THRB: variants seen among roughly 807,000 people sequenced by gnomAD.
THRB encodes nuclear receptor subfamily 1 group A member 2.
THRB carries 12 observed loss-of-function variants against 47.8 expected under a neutral mutation model. The ratio of observed to expected loss-of-function variants is 0.25; its 90% CI spans 0.16 to 0.41. The LOEUF is 0.41. THRB is among the 10% of genes least tolerant of loss of function. The pLI is 1.00. For synonymous variants in THRB, 218 were observed against 212.2 expected, an observed-to-expected ratio of 1.03 and a Z score of -0.24; for missense variants, 348 against 589.2, an observed-to-expected ratio of 0.59 and a Z score of 4.24.
At chr3:24,314,661 C>G (rs141789178) in intron 2 of THRB, among the ~76,000 whole-genome samples, 2 of 152,290 alleles carry the variant, frequency 1.3e-5, no homozygotes, top group Non-Finnish European at 2.9e-5. Context: ...TAGCTGTAAT[C>G]ACTCCTGCAG....
chr3:24,179,861 C>G (rs1487827999), intron 5 of THRB, among the ~76,000 whole-genome samples: 1 of 152,008 alleles, frequency 6.6e-6, no homozygotes, highest in Non-Finnish European at 1.5e-5. Context: ...GCATTCATTT[C>G]TTTTTTTGGG....
chr3:24,212,965 G>T (rs1287614690), intron 4 of THRB, among the ~76,000 whole-genome samples: 3 of 152,178 alleles, frequency 2.0e-5, no homozygotes, highest in African/African-American at 7.2e-5. Flanking sequence ...CTAAACCAGT[G>T]TGCCCCTGGG....
intron 1 of THRB, among the ~76,000 whole-genome samples, chr3:24,437,632 C>T (rs1308670643): frequency 2.0e-5 from 3 of 151,758 alleles, no homozygotes; most frequent in African/African-American, 7.3e-5. Context: ...ACCACATGTA[C>T]AAAAATATGC....
intron 3 of THRB, among the ~76,000 whole-genome samples, chr3:24,236,479 G>T (rs1265179255): frequency 1.3e-5 from 2 of 152,132 alleles, no homozygotes; most frequent in African/African-American, 4.8e-5. Context: ...TATTATAGAT[G>T]ATCTCAACTC....
At chr3:24,244,125 C>T (rs997905272) in intron 3 of THRB, among the ~76,000 whole-genome samples, 3 of 151,976 alleles carry the variant, frequency 2.0e-5, no homozygotes, top group African/African-American at 4.8e-5. Context: ...CTCATGGATA[C>T]AAGGGATCCT....
chr3:24,287,789 C>T (rs1285252357), intron 3 of THRB, among the ~76,000 whole-genome samples: 2 of 152,166 alleles, frequency 1.3e-5, no homozygotes, highest in Non-Finnish European at 2.9e-5. Flanking sequence ...ATGTAGGCTC[C>T]TGGACTGATT....
intron 1 of THRB, among the ~76,000 whole-genome samples, chr3:24,377,007 G>T (rs148042835): frequency 7.9e-5 from 12 of 151,980 alleles, no homozygotes; most frequent in Admixed American, 6.6e-5. Flanking sequence ...GCATGATGGC[G>T]GCTCACTGTA....
chr3:24,211,195 C>T (rs1391769331), intron 4 of THRB, among the ~76,000 whole-genome samples: 1 of 118,686 alleles, frequency 8.4e-6, no homozygotes, highest in Non-Finnish European at 1.5e-5. Flanking sequence ...AAGACTCCAT[C>T]TCAAAAAAAA....
intron 4 of THRB, among the ~76,000 whole-genome samples, chr3:24,196,766 G>A (rs2044002367): frequency 6.6e-6 from 1 of 151,758 alleles, no homozygotes; most frequent in Non-Finnish European, 1.5e-5. Context: ...TCTGTGCAAG[G>A]CAAATGGGAG....
At chr3:24,310,730 T>C (rs996203744) in intron 2 of THRB, among the ~76,000 whole-genome samples, 6 of 152,200 alleles carry the variant, frequency 3.9e-5, no homozygotes, top group African/African-American at 9.7e-5. Context: ...ATTGTCACCA[T>C]TGGGTATGGG....
chr3:24,384,553 G>T (rs1364369054), intron 1 of THRB, among the ~76,000 whole-genome samples: 1 of 152,032 alleles, frequency 6.6e-6, no homozygotes, highest in Non-Finnish European at 1.5e-5. Flanking sequence ...ACCTTTAGAG[G>T]ACAGACATCC....
intron 1 of THRB, among the ~76,000 whole-genome samples, chr3:24,442,948 C>T (rs576340598): frequency 1.1e-3 from 166 of 151,964 alleles, no homozygotes; most frequent in African/African-American, 3.8e-3. Flanking sequence ...TCTGGGAGGC[C>T]GAGGCGGGTG....
intron 4 of THRB, among the ~76,000 whole-genome samples, chr3:24,219,340 C>T (rs960901975): frequency 1.3e-5 from 2 of 152,164 alleles, no homozygotes; most frequent in African/African-American, 4.8e-5. Flanking sequence ...CGATGCCTAT[C>T]AAATCATTTG....
chr3:24,180,686 C>T (rs2041786132), intron 5 of THRB, among the ~76,000 whole-genome samples: 1 of 152,200 alleles, frequency 6.6e-6, no homozygotes, highest in Non-Finnish European at 1.5e-5. Flanking sequence ...GAAGGCTGAA[C>T]TGGCCAAGAC....
intron 1 of THRB, among the ~76,000 whole-genome samples, chr3:24,339,358 G>T (rs147755552): frequency 2.8e-4 from 42 of 152,176 alleles, no homozygotes; most frequent in Non-Finnish European, 5.7e-4. Context: ...CACAATGACC[G>T]TATGAGGTAA....
chr3:24,130,456 G>C (rs184275692), intron 9 of THRB, among the ~76,000 whole-genome samples: 1 of 152,020 alleles, frequency 6.6e-6, no homozygotes, highest in Admixed American at 6.6e-5. Flanking sequence ...CTCAGGGGCT[G>C]GGGGGGCGGT....
At chr3:24,255,650 T>G (rs61220618) in intron 3 of THRB, among the ~76,000 whole-genome samples, 3,137 of 152,076 alleles carry the variant, frequency 0.021, 116 homozygotes, top group African/African-American at 0.071. Flanking sequence ...ATCCCATGTG[T>G]GGGTTTCATG....
intron 1 of THRB, among the ~76,000 whole-genome samples, chr3:24,393,313 C>T (rs1275067590): frequency 6.6e-6 from 1 of 152,114 alleles, no homozygotes; most frequent in Admixed American, 6.6e-5. Context: ...CATGCCAGAT[C>T]CCATCACTCC....
At chr3:24,476,760 A>C (rs1231602414) in intron 1 of THRB, among the ~76,000 whole-genome samples, 1 of 152,168 alleles carries the variant, frequency 6.6e-6, no homozygotes, top group Admixed American at 6.5e-5. Context: ...GGATTTTGAG[A>C]AATTATCTGA....
Sources: gnomAD v4.1 joint callset for allele counts (sites outside exome capture counted in the v4.1 genomes callset) on GRCh38, gnomAD v4.1.1 for gene constraint, MANE v1.5 for transcripts, NCBI Gene and HGNC (gene_info 2026-07-23, HGNC 2026-07-21) for gene names.